ZMYM6: variants seen among roughly 807,000 people sequenced by gnomAD.
ZMYM6 encodes the protein zinc finger MYM-type protein 6.
A neutral mutation model predicts 134.0 loss-of-function variants in ZMYM6; 90 were observed. That is an observed-to-expected ratio of 0.67 (90% CI 0.57 to 0.80). The LOEUF (loss-of-function observed/expected upper bound fraction) is 0.80. Among genes scored for constraint, ZMYM6 ranks in the 30% least tolerant of loss-of-function variants. The pLI is 0.00. For missense variants in ZMYM6, 1,362 were observed against 1,533.9 expected (o/e 0.89, Z 1.87); for synonymous variants, 481 against 524.1 (o/e 0.92, Z 1.12).
chr1:35,011,116 T>C (rs942495970), intron 8 of ZMYM6, 80 bp from the exon 9 acceptor site: 26 of 1,415,998 alleles, frequency 1.8e-5, no homozygotes, highest in Non-Finnish European at 2.5e-5. Context: ...CTCATTTTAA[T>C]AAATCAAGTC....
rs549541787 is a variant in ZMYM6, at chr1:35,016,281, T to G, written c.429-1119A>C. On this transcript the variant is annotated intron_variant, in intron 4 of 15. Coordinates refer to ENST00000357182, the MANE Select transcript of ZMYM6 (RefSeq NM_007167.4). ...TAAATGAATGTTTAAAAATTAAAAG[T>G]GCAAGATTTTGAGAAACAAATGAGC... is the stretch of plus-strand genomic sequence containing the variant. Among the ~76,000 whole-genome samples the G allele has an allele frequency of 9.2e-5, 14 of 152,226 alleles. No individual in the cohort carries two copies. In the South Asian group the frequency reaches 2.7e-3, roughly 29 times the overall value.
chr1:35,014,460 C>A (rs1641145982), intron 6 of ZMYM6, among the ~76,000 whole-genome samples: 1 of 152,124 alleles, frequency 6.6e-6, no homozygotes, highest in Admixed American at 6.5e-5. Context: ...GAAAAGAAAT[C>A]ACATTTGTAA....
chr1:35,023,391 G>A (rs1286389831), intron 2 of ZMYM6, among the ~76,000 whole-genome samples: 1 of 152,074 alleles, frequency 6.6e-6, no homozygotes, highest in East Asian at 1.9e-4. Flanking sequence ...ACAGGCGTGA[G>A]CCACTGCACC....
intron 13 of ZMYM6, among the ~76,000 whole-genome samples, chr1:35,004,714 G>C: frequency 6.6e-6 from 1 of 152,124 alleles, no homozygotes; most frequent in East Asian, 1.9e-4. Flanking sequence ...TGGGGAGGCG[G>C]TGGGAGGGGG....
chr1:34,995,184 T>TAA (rs1356443105), intron 14 of ZMYM6, among the ~76,000 whole-genome samples: 29 of 147,702 alleles, frequency 2.0e-4, no homozygotes, highest in African/African-American at 6.9e-4. Flanking sequence ...TATATATATA[T>TAA]AATTCCAGGT....
In ZMYM6 at chr1:35,030,799, C is replaced by A. The variant is rs552367559; in HGVS notation, c.-74-86G>T. ...TTTGTGTTGAGTGCATGAGGCTTCACGGCTCGGCATTTGAAAAACAACTCT... is the reference window on the plus strand; with the variant it reads ...TTTGTGTTGAGTGCATGAGGCTTCAAGGCTCGGCATTTGAAAAACAACTCT... On this transcript the variant is annotated intron_variant, in intron 1 of 15. Coordinates refer to ENST00000357182, the MANE Select transcript of ZMYM6 (RefSeq NM_007167.4). 6.3e-4 allele frequency: 416 copies of A among 655,272 alleles called. 3 individuals carry two copies. In the South Asian group the frequency reaches 7.7e-3, roughly 12 times the overall value. The allele number at this position is 655,272 out of a possible 1,614,324, so 40.6% of individuals were successfully genotyped here. A position where few individuals can be genotyped will look rare whatever the true frequency, so the allele number is the denominator to read the frequency against.
At chr1:34,991,444 T>C (rs1459732060) in intron 15 of ZMYM6, among the ~76,000 whole-genome samples, 1 of 152,132 alleles carries the variant, frequency 6.6e-6, no homozygotes, top group African/African-American at 2.4e-5. Flanking sequence ...CTTTTAAATA[T>C]AGTGTATTCT....
intron 14 of ZMYM6, among the ~76,000 whole-genome samples, chr1:34,998,525 A>C (rs1318842967): frequency 6.6e-6 from 1 of 152,150 alleles, no homozygotes; most frequent in Admixed American, 6.5e-5. Flanking sequence ...TAGAGAAAAA[A>C]CTGCAAAGGA....
chr1:35,020,478 A>G lies in ZMYM6; in HGVS notation c.94-11T>C, dbSNP rs1641286322. 2 of 1,575,734 alleles carry G rather than the reference A, an allele frequency of 1.3e-6. No individual in the cohort carries two copies. The highest frequency in any genetic ancestry group is 1.2e-5 in the South Asian group (1 of 84,270). On this transcript the variant is annotated splice_polypyrimidine_tract_variant and intron_variant, in intron 2 of 15. Transcript: ENST00000357182. ...GACACATCCATACTCCTTTAAAAAA[A>G]AAAAGAAAAGAGAAAAGAGCAATGA...
chr1:35,030,801 G>A, intron 1 of ZMYM6, 88 bp from the exon 2 acceptor site: 1 of 646,516 alleles, frequency 1.5e-6, no homozygotes, highest in Non-Finnish European at 2.5e-6. Flanking sequence ...AGGCTTCACG[G>A]CTCGGCATTT....
chr1:34,994,766 C>A (rs184319013), intron 14 of ZMYM6, among the ~76,000 whole-genome samples: 1 of 151,888 alleles, frequency 6.6e-6, no homozygotes, highest in East Asian at 1.9e-4. Flanking sequence ...TGACTGCCGT[C>A]CACCCAGACT....
At chr1:35,022,247 G>A (rs1254866467) in intron 2 of ZMYM6, among the ~76,000 whole-genome samples, 1 of 152,138 alleles carries the variant, frequency 6.6e-6, no homozygotes, top group Non-Finnish European at 1.5e-5. Context: ...GCACAGATGG[G>A]AATCAAACCC....
At chr1:35,011,797 A>G in intron 8 of ZMYM6, 93 bp downstream of exon 8, 1 of 880,648 alleles carries the variant, frequency 1.1e-6, no homozygotes. Flanking sequence ...TCAAATTTAA[A>G]CTTTCATAAG....
rs888090553 is a variant in ZMYM6 at position 35,024,874 on chromosome 1, AT to A, written c.94-4408del. ...CACTTACCTAAGACTGTGATTTTGT[AT>A]TTTTTTTTTTTCAGATGGAATATTG... On this transcript the variant is annotated intron_variant, in intron 2 of 15. Transcript: ENST00000357182. Among the ~76,000 whole-genome samples, 534 of 143,732 alleles carry A rather than the reference AT, an allele frequency of 3.7e-3. 3 individuals are homozygous for A. Among genetic ancestry groups the A allele is most frequent in the East Asian group, 0.026 (130 of 4,924 alleles). 94.3% of individuals were successfully genotyped at this position (143,732 alleles called of 152,430 possible). A position where few individuals can be genotyped will look rare whatever the true frequency, so the allele number is the denominator to read the frequency against.
chr1:35,011,186 C>T (rs1641078534), intron 8 of ZMYM6, 150 bp from the exon 9 acceptor site: 2 of 875,444 alleles, frequency 2.3e-6, no homozygotes, highest in South Asian at 3.7e-5. Context: ...GGTATATTTC[C>T]AGAATAAAAG....
Position 35,010,843 on chromosome 1 carries a change from A to G in ZMYM6, c.1256T>C (p.Val419Ala), listed in dbSNP as rs369479902. The G allele has an allele frequency of 1.9e-6, 3 of 1,613,296 alleles. No homozygotes were observed. The highest frequency in any genetic ancestry group is 8.5e-7 in the Non-Finnish European group (1 of 1,179,742). Residue 419 changes from valine (V) to alanine (A), a missense_variant, in exon 9 of 16, where the codon GTT (valine) becomes GCT (alanine). By Grantham distance (64) the Val-to-Ala change is moderately conservative. This residue lies in a region of ZMYM6 where 503 missense variants were observed against 520.8 expected (regional missense o/e 0.97). Coordinates refer to ENST00000357182, the MANE Select transcript of ZMYM6 (RefSeq NM_007167.4). Reference sequence around the variant, plus strand: ...TTTAACAACTGTATGGGTTAAAGCAACTTGCTGGGATTGTTCAGCAAGAGG... The same window carrying G: ...TTTAACAACTGTATGGGTTAAAGCAGCTTGCTGGGATTGTTCAGCAAGAGG... ...LQPLAEQSQQVALTHTVVKLK... is the reference protein window; with the variant it reads ...LQPLAEQSQQAALTHTVVKLK...
Position 35,030,596 on chromosome 1 carries a change from G to A in ZMYM6, c.44C>T (p.Pro15Leu). The change falls in exon 2 of 16, where the codon CCA becomes CTA. Residue 15 changes from proline (P) to leucine (L), a missense_variant. Pro to Leu is a moderately conservative substitution (Grantham distance 98). Coordinates refer to ENST00000357182, the MANE Select transcript of ZMYM6 (RefSeq NM_007167.4). ...AATTTTGTCCAGAAGCTCCTGCTGT[G>A]GTACCACTGCTTTGCCACATTCACC... The part of the protein sequence containing the change: ...LDGECGKAVV[P>L]QQELLDKIKE... The A allele has an allele frequency of 6.2e-7, 1 of 1,613,672 alleles. No individual in the cohort carries two copies. Among genetic ancestry groups the A allele is most frequent in the Non-Finnish European group, 8.5e-7 (1 of 1,179,968 alleles).
chr1:35,021,378 C>CCCA (rs1190421167), intron 2 of ZMYM6, among the ~76,000 whole-genome samples: 1 of 151,996 alleles, frequency 6.6e-6, no homozygotes, highest in Non-Finnish European at 1.5e-5. Flanking sequence ...CTCCTGACCT[C>CCCA]AGGTGATCCG....
At chr1:35,021,118 ATTTT>A (rs375899509) in intron 2 of ZMYM6, among the ~76,000 whole-genome samples, 1 of 139,292 alleles carries the variant, frequency 7.2e-6, no homozygotes. Flanking sequence ...GAAAAAAAAA[ATTTT>A]TTTTTTTTTT....
Sources: allele counts gnomAD v4.1 joint callset (sites outside exome capture counted in the v4.1 genomes callset), GRCh38; gene constraint gnomAD v4.1.1; regional missense constraint gnomAD v4.1.1; transcripts MANE v1.5; gene names NCBI Gene and HGNC (gene_info 2026-07-23, HGNC 2026-07-21).